TMEM51: variants seen among roughly 807,000 people sequenced by gnomAD.
TMEM51 encodes the protein chromosome 1 open reading frame 72.
A neutral mutation model predicts 13.6 loss-of-function variants in TMEM51; 8 were observed. The ratio of observed to expected loss-of-function variants is 0.59; its 90% confidence interval spans 0.35 to 1.07. The LOEUF is 1.07. TMEM51 is among the 50% of genes least tolerant of loss of function. The pLI, the probability that TMEM51 is intolerant of heterozygous loss-of-function variation, is 0.02. For synonymous variants in TMEM51, 147 were observed against 144.4 expected, an observed-to-expected ratio of 1.02 and a Z score of -0.13; for missense variants, 279 against 330.7, an observed-to-expected ratio of 0.84 and a Z score of 1.21.
chr1:15,172,387 C>CAAA (rs34718626), intron 1 of TMEM51, among the ~76,000 whole-genome samples: 12 of 75,176 alleles, frequency 1.6e-4, no homozygotes, highest in Middle Eastern at 6.8e-3. Context: ...GACCCTGTCT[C>CAAA]AAAAAAAAAA....
intron 1 of TMEM51, among the ~76,000 whole-genome samples, chr1:15,182,205 T>TC (rs35584467): frequency 3.4e-5 from 5 of 148,902 alleles, no homozygotes; most frequent in Admixed American, 2.7e-4. Context: ...AATAAATAAA[T>TC]AACTGCACTA....
rs1455592537 is a variant in TMEM51, at chr1:15,219,698, T to C, written c.717T>C (p.Tyr239=). The C allele has an allele frequency of 6.2e-6, 10 of 1,613,670 alleles. No homozygotes were observed. Among genetic ancestry groups the C allele is most frequent in the Non-Finnish European group, 8.5e-6 (10 of 1,180,018 alleles). ...SIEPLTPPPQ[Y]DEVQEKAPDT... ...AGCCTTTGACTCCTCCACCGCAGTA[T>C]GATGAAGTCCAGGAGAAGGCCCCCG... Residue 239 remains tyrosine (Y), a synonymous_variant, in exon 4 of 4, where the codon TAT becomes TAC. Transcript: ENST00000376008.
chr1:15,219,681 A>C lies in TMEM51; in HGVS notation c.700A>C (p.Thr234Pro). The C allele has an allele frequency of 6.2e-7, 1 of 1,613,464 alleles. No individual in the cohort carries two copies. Among genetic ancestry groups the C allele is most frequent in the Non-Finnish European group, 8.5e-7 (1 of 1,179,962 alleles). The change falls in exon 4 of 4, where the codon ACT becomes CCT. Residue 234 changes from threonine (T) to proline (P), a missense_variant. Thr to Pro is a conservative substitution (Grantham distance 38). Transcript: ENST00000376008. Reference protein sequence around the residue: ...NVPPPSIEPLTPPPQYDEVQE... With the variant: ...NVPPPSIEPLPPPPQYDEVQE... Reference sequence around the variant, plus strand: ...CCCTCCTCCCTCGATAGAGCCTTTGACTCCTCCACCGCAGTATGATGAAGT... The same window carrying C: ...CCCTCCTCCCTCGATAGAGCCTTTGCCTCCTCCACCGCAGTATGATGAAGT...
intron 1 of TMEM51, among the ~76,000 whole-genome samples, chr1:15,178,633 T>C (rs1643521426): frequency 6.6e-6 from 1 of 152,204 alleles, no homozygotes; most frequent in South Asian, 2.1e-4. Flanking sequence ...TCCAGTATCG[T>C]GAGTTAGTAC....
chr1:15,212,281 C>T (rs1644352707), intron 2 of TMEM51, among the ~76,000 whole-genome samples: 1 of 152,190 alleles, frequency 6.6e-6, no homozygotes, highest in Admixed American at 6.5e-5. Flanking sequence ...TGAGTATTAT[C>T]ACCTGTTTTT....
At chr1:15,159,599 C>T (rs1365241910) in intron 1 of TMEM51, among the ~76,000 whole-genome samples, 1 of 152,158 alleles carries the variant, frequency 6.6e-6, no homozygotes, top group East Asian at 1.9e-4. Context: ...GCTCTGTTGC[C>T]AGGCTGGACT....
chr1:15,159,816 A>G lies in TMEM51; in HGVS notation c.-267+5862A>G, dbSNP rs1642714019. ...GTGATCCGCCTGCCTCGGCCTAGGC[A>G]TGAACCACCACACCTAGCCTTCTTC... is the stretch of plus-strand genomic sequence containing the variant. On this transcript the variant is annotated intron_variant, in intron 1 of 3. Coordinates refer to ENST00000376008, the MANE Select transcript of TMEM51 (RefSeq NM_001136218.2). Among the ~76,000 whole-genome samples, 3 of 152,036 alleles carry G rather than the reference A, an allele frequency of 2.0e-5. No homozygotes were observed. In the South Asian group the frequency reaches 6.2e-4, roughly 32 times the overall value.
Position 15,168,689 on chromosome 1 carries a change from G to A in TMEM51, c.-267+14735G>A, listed in dbSNP as rs116804719. 3.0e-4 allele frequency: 396 copies of A among 1,304,348 alleles called. No homozygotes were observed. The African/African-American group carries it at 4.6e-3, about 15-fold the overall frequency. 80.8% of individuals were successfully genotyped at this position (1,304,348 alleles called of 1,614,324 possible). A position where few individuals can be genotyped will look rare whatever the true frequency, so the allele number is the denominator to read the frequency against. ...GAAGTCTGTTGGTAGCTTAGAACAC[G>A]CGTACTGTCTCTCCCAGGGTGAGCC... is the stretch of plus-strand genomic sequence containing the variant. On this transcript the variant is annotated intron_variant, in intron 1 of 3. Transcript: ENST00000376008.
chr1:15,201,844 A>C (rs1644162334), intron 1 of TMEM51, among the ~76,000 whole-genome samples: 2 of 152,198 alleles, frequency 1.3e-5, no homozygotes, highest in Admixed American at 6.5e-5. Context: ...ACGGCGTCCT[A>C]ATCTCCAGAA....
At chr1:15,174,193 G>T (rs767293773) in intron 1 of TMEM51, among the ~76,000 whole-genome samples, 3 of 152,158 alleles carry the variant, frequency 2.0e-5, no homozygotes, top group Admixed American at 6.5e-5. Flanking sequence ...TGACATGCAG[G>T]GTTCTGTGCC....
chr1:15,203,412 T>G (rs1163427055), intron 1 of TMEM51, among the ~76,000 whole-genome samples: 2 of 148,630 alleles, frequency 1.3e-5, no homozygotes, highest in Admixed American at 1.3e-4. Flanking sequence ...GCGCCACCCC[T>G]CCCGGCTAAT....
chr1:15,171,596 G>A (rs113435318), intron 1 of TMEM51, among the ~76,000 whole-genome samples: 255 of 152,282 alleles, frequency 1.7e-3, no homozygotes, highest in African/African-American at 5.6e-3. Context: ...TGGAACCCAC[G>A]GGGCTGTCTC....
At chr1:15,191,791 G>C in intron 1 of TMEM51, 3 of 340,330 alleles carry the variant, frequency 8.8e-6, no homozygotes, top group Non-Finnish European at 1.8e-5. Flanking sequence ...CAGCTGTTGA[G>C]ACAATATTTT....
intron 1 of TMEM51, among the ~76,000 whole-genome samples, chr1:15,154,470 C>G (rs1452527044): frequency 6.6e-6 from 1 of 152,166 alleles, no homozygotes. Flanking sequence ...CGGGCATGAG[C>G]AAAGTGGATT....
intron 1 of TMEM51, among the ~76,000 whole-genome samples, chr1:15,206,035 G>A (rs761804053): frequency 6.6e-5 from 10 of 152,110 alleles, no homozygotes; most frequent in Non-Finnish European, 1.5e-4. Context: ...CCAGGAAATC[G>A]AGACCAGCCT....
At chr1:15,153,486 CTT>C (rs1230402266), upstream of TMEM51, among the ~76,000 whole-genome samples, 1 of 151,336 alleles carries the variant, frequency 6.6e-6, no homozygotes, top group Non-Finnish European at 1.5e-5. Flanking sequence ...CCGACCCCCT[CTT>C]ATCCAACTCG....
intron 1 of TMEM51, among the ~76,000 whole-genome samples, chr1:15,210,082 T>G (rs541404857): frequency 6.6e-6 from 1 of 152,010 alleles, no homozygotes; most frequent in African/African-American, 2.4e-5. Flanking sequence ...GAGGGAAGCA[T>G]GGATTCCATT....
intron 1 of TMEM51, among the ~76,000 whole-genome samples, chr1:15,176,214 T>C (rs993743813): frequency 2.0e-5 from 3 of 152,220 alleles, no homozygotes; most frequent in African/African-American, 7.2e-5. Flanking sequence ...CAGAGATTTG[T>C]TGAGGCTTCC....
intron 2 of TMEM51, among the ~76,000 whole-genome samples, chr1:15,214,119 G>A (rs1644386260): frequency 6.6e-6 from 1 of 151,386 alleles, no homozygotes; most frequent in Non-Finnish European, 1.5e-5. Context: ...CCCAAGTGCT[G>A]GGATTACAGG....
Sources: allele counts gnomAD v4.1 joint callset (sites outside exome capture counted in the v4.1 genomes callset), GRCh38; gene constraint gnomAD v4.1.1; transcripts MANE v1.5; gene names NCBI Gene and HGNC (gene_info 2026-07-23, HGNC 2026-07-21).